PLCB4: variants seen among roughly 807,000 people sequenced by gnomAD.
The protein encoded by PLCB4 is 1-phosphatidylinositol 4,5-bisphosphate phosphodiesterase beta-4.
PLCB4 carries 77 observed loss-of-function variants against 178.8 expected under a neutral mutation model. That is an observed-to-expected ratio of 0.43 (90% confidence interval 0.36 to 0.52). The LOEUF (loss-of-function observed/expected upper bound fraction) is 0.52. Ranked by LOEUF, PLCB4 falls within the 20% of genes least tolerant of loss-of-function variation. The pLI is 0.00. For synonymous variants in PLCB4, 496 were observed against 490.8 expected (o/e 1.01, Z -0.14); for missense variants, 1,024 against 1,453.4 (o/e 0.70, Z 4.80).
chr20:9,233,178 T>A (rs534356219), intron 3 of PLCB4, among the ~76,000 whole-genome samples: 1 of 152,294 alleles, frequency 6.6e-6, no homozygotes, highest in Admixed American at 6.5e-5. Context: ...GTTTCAGATT[T>A]CATCTTCTAA....
intron 3 of PLCB4, among the ~76,000 whole-genome samples, chr20:9,233,303 T>C (rs1220688424): frequency 2.0e-5 from 3 of 152,152 alleles, no homozygotes; most frequent in Non-Finnish European, 4.4e-5. Context: ...CATTTGTTCA[T>C]TCATTTAGCA....
chr20:9,151,859 A>G (rs1186059364), intron 2 of PLCB4, among the ~76,000 whole-genome samples: 1 of 152,166 alleles, frequency 6.6e-6, no homozygotes, highest in Non-Finnish European at 1.5e-5. Flanking sequence ...CTTCCTAGAG[A>G]CTTGTTGAAT....
Position 9,476,499 on chromosome 20 carries a change from A to G in PLCB4, c.3496-218A>G, listed in dbSNP as rs548086407. Among the ~76,000 whole-genome samples, 6 of 152,312 alleles carry G rather than the reference A, an allele frequency of 3.9e-5. No homozygotes were observed. In the South Asian group the frequency reaches 6.2e-4, roughly 16 times the overall value. ...CACAGAAGAGAGGCACAGTCTGGGA[A>G]TGACAGGCGTTGGTTGTTTGTTTCG... is the stretch of plus-strand genomic sequence containing the variant. On this transcript the variant is annotated intron_variant, in intron 38 of 39. Coordinates refer to ENST00000378473, the MANE Select transcript of PLCB4 (RefSeq NM_001377142.1).
At chr20:9,306,702 CATT>C (rs759586955) in intron 3 of PLCB4, among the ~76,000 whole-genome samples, 14 of 152,086 alleles carry the variant, frequency 9.2e-5, no homozygotes, top group Non-Finnish European at 1.5e-4. Context: ...TTTGGTGACT[CATT>C]GTTGTATGCT....
intron 2 of PLCB4, among the ~76,000 whole-genome samples, chr20:9,103,759 A>C (rs2091266312): frequency 6.6e-6 from 1 of 152,174 alleles, no homozygotes; most frequent in Admixed American, 6.5e-5. Flanking sequence ...TCCCATCCAA[A>C]ATATTAGTAA....
rs559185977 is a variant in PLCB4, at chr20:9,269,267, G to C, written c.-15-38533G>C. 2.6e-5 allele frequency among the ~76,000 whole-genome samples: 4 copies of C among 152,270 alleles called. No homozygotes were observed. In the South Asian group the frequency reaches 6.2e-4, roughly 24 times the overall value. On this transcript the variant is annotated intron_variant, in intron 3 of 39. Coordinates refer to ENST00000378473, the MANE Select transcript of PLCB4 (RefSeq NM_001377142.1). Reference sequence around the variant, plus strand: ...TTCTGTCTTCATTTATCAGTGATGAGAGTGACCTTGGCTATGACCTCCCAC... The same window carrying C: ...TTCTGTCTTCATTTATCAGTGATGACAGTGACCTTGGCTATGACCTCCCAC...
At chr20:9,280,501 C>T in intron 3 of PLCB4, 1 of 971,514 alleles carries the variant, frequency 1.0e-6, no homozygotes, top group Non-Finnish European at 1.2e-6. Context: ...CCTAATTTCA[C>T]TGGGTTTCTC....
At chr20:9,204,123 G>A (rs1292883710) in intron 2 of PLCB4, among the ~76,000 whole-genome samples, 3 of 151,448 alleles carry the variant, frequency 2.0e-5, no homozygotes, top group East Asian at 3.9e-4. Flanking sequence ...AAATAGGAAA[G>A]CAAAGAGAAG....
chr20:9,088,363 T>C (rs992793812), intron 1 of PLCB4, among the ~76,000 whole-genome samples: 5 of 152,194 alleles, frequency 3.3e-5, no homozygotes, highest in South Asian at 4.1e-4. Flanking sequence ...GAACTCATCA[T>C]ATCACCTTTG....
chr20:9,416,042 T>A (rs927703244), intron 25 of PLCB4, among the ~76,000 whole-genome samples: 2 of 152,150 alleles, frequency 1.3e-5, no homozygotes, highest in Non-Finnish European at 2.9e-5. Context: ...TATCTCATGG[T>A]CCTGACAAGC....
intron 8 of PLCB4, among the ~76,000 whole-genome samples, chr20:9,365,032 A>G (rs1347944504): frequency 6.6e-6 from 1 of 152,190 alleles, no homozygotes; most frequent in East Asian, 1.9e-4. Context: ...ACCTTAATAT[A>G]TTATTACAGA....
intron 28 of PLCB4, among the ~76,000 whole-genome samples, chr20:9,431,840 T>G (rs1423949636): frequency 6.6e-6 from 1 of 152,132 alleles, no homozygotes; most frequent in Non-Finnish European, 1.5e-5. Flanking sequence ...CTCCTTCCAT[T>G]CATCATTCTT....
intron 7 of PLCB4, among the ~76,000 whole-genome samples, chr20:9,339,707 G>C (rs1281376042): frequency 2.6e-5 from 4 of 152,092 alleles, no homozygotes. Flanking sequence ...TAGGTGTTCA[G>C]TAGCTGCATA....
At chr20:9,159,971 C>A (rs1246755306) in intron 2 of PLCB4, among the ~76,000 whole-genome samples, 1 of 152,064 alleles carries the variant, frequency 6.6e-6, no homozygotes, top group Non-Finnish European at 1.5e-5. Flanking sequence ...GTTTAGTTGC[C>A]CATAGTTAGG....
At chr20:9,160,165 T>TAG (rs2092862291) in intron 2 of PLCB4, among the ~76,000 whole-genome samples, 1 of 152,114 alleles carries the variant, frequency 6.6e-6, no homozygotes, top group Non-Finnish European at 1.5e-5. Flanking sequence ...ATCTGTTGAG[T>TAG]AGAGAATTGT....
intron 35 of PLCB4, among the ~76,000 whole-genome samples, chr20:9,464,079 C>T (rs945814036): frequency 1.3e-5 from 2 of 152,220 alleles, no homozygotes; most frequent in African/African-American, 4.8e-5. Flanking sequence ...AACAAACTAT[C>T]TCTCAGGCCA....
At chr20:9,392,210 G>A (rs1436345742) in intron 17 of PLCB4, among the ~76,000 whole-genome samples, 2 of 152,088 alleles carry the variant, frequency 1.3e-5, no homozygotes, top group Non-Finnish European at 2.9e-5. Flanking sequence ...ACAAAGAATC[G>A]GACAAAATGC....
intron 7 of PLCB4, among the ~76,000 whole-genome samples, chr20:9,352,279 T>TAAAA (rs2034416927): frequency 6.6e-6 from 1 of 152,250 alleles, no homozygotes; most frequent in African/African-American, 2.4e-5. Context: ...GGCATTAATG[T>TAAAA]AAGTATACTC....
chr20:9,457,871 A>G (rs1430633422), intron 34 of PLCB4, among the ~76,000 whole-genome samples: 1 of 152,202 alleles, frequency 6.6e-6, no homozygotes, highest in Non-Finnish European at 1.5e-5. Flanking sequence ...GGGAGGTGAT[A>G]CTTACTCCAT....
Sources: gnomAD v4.1 joint callset for allele counts (sites outside exome capture counted in the v4.1 genomes callset) on GRCh38, gnomAD v4.1.1 for gene constraint, MANE v1.5 for transcripts, NCBI Gene and HGNC (gene_info 2026-07-23, HGNC 2026-07-21) for gene names.